DNAAF10: variants seen among roughly 807,000 people sequenced by gnomAD.
DNAAF10 encodes the protein dynein axonemal assembly factor 10, also known as WD repeat domain 92.
Under a neutral mutation model 43.7 loss-of-function variants are expected in DNAAF10, and 28 were observed. That is an observed-to-expected ratio of 0.64 (90% CI 0.48 to 0.88). The LOEUF (loss-of-function observed/expected upper bound fraction) is 0.88. Among genes scored for constraint, DNAAF10 ranks in the 40% least tolerant of loss-of-function variants. The pLI is 0.00. For missense variants in DNAAF10, 403 were observed against 439.1 expected (o/e 0.92, Z 0.73); for synonymous variants, 156 against 157.3 (o/e 0.99, Z 0.06).
intron 2 of DNAAF10, among the ~76,000 whole-genome samples, chr2:68,146,362 C>T (rs1333422370): frequency 6.6e-6 from 1 of 152,124 alleles, no homozygotes; most frequent in East Asian, 1.9e-4. Flanking sequence ...TGTGGTTCTA[C>T]TTGAAATGAC....
At chr2:68,132,968 T>C (rs1181412506) in intron 7 of DNAAF10, among the ~76,000 whole-genome samples, 1 of 151,546 alleles carries the variant, frequency 6.6e-6, no homozygotes, top group Non-Finnish European at 1.5e-5. Flanking sequence ...CAAAGAAAAC[T>C]GGGACTAGTT....
intron 1 of DNAAF10, among the ~76,000 whole-genome samples, chr2:68,156,061 C>T (rs1673596449): frequency 7.1e-6 from 1 of 141,636 alleles, no homozygotes; most frequent in African/African-American, 2.6e-5. Flanking sequence ...GTGTTTGCAC[C>T]ACAGCACTCC....
At position 68,135,005 on chromosome 2, in the gene DNAAF10, C is replaced by T. The variant is rs192645466; in HGVS notation, c.769-206G>A. Among the ~76,000 whole-genome samples, 4 of 152,134 alleles carry T rather than the reference C, an allele frequency of 2.6e-5. No homozygotes were observed. In the East Asian group the frequency reaches 7.7e-4, roughly 29 times the overall value. On this transcript the variant is annotated intron_variant, in intron 6 of 7. Coordinates refer to ENST00000295121, the MANE Select transcript of DNAAF10 (RefSeq NM_138458.4). ...GAAAAAGCATCATTTTTCTTTATTGCTTTATGAAACAAAGTTCTACTGGAT... is the reference window on the plus strand; with the variant it reads ...GAAAAAGCATCATTTTTCTTTATTGTTTTATGAAACAAAGTTCTACTGGAT...
At chr2:68,140,689 C>T (rs911296234) in intron 4 of DNAAF10, among the ~76,000 whole-genome samples, 3 of 152,170 alleles carry the variant, frequency 2.0e-5, no homozygotes, top group African/African-American at 7.2e-5. Context: ...AAACTTAGAA[C>T]TATCTTCAGG....
At chr2:68,141,558 A>T in intron 4 of DNAAF10, 136 bp downstream of exon 4, 1 of 735,400 alleles carries the variant, frequency 1.4e-6, no homozygotes, top group Non-Finnish European at 2.1e-6. Flanking sequence ...GACATTAACC[A>T]CCACGTGTAT....
Position 68,134,731 on chromosome 2 carries a change from T to C in DNAAF10, c.837A>G (p.Gly279=). 1.9e-6 allele frequency: 3 copies of C among 1,608,760 alleles called. No individual in the cohort carries two copies. Among genetic ancestry groups the C allele is most frequent in the Non-Finnish European group, 2.5e-6 (3 of 1,178,754 alleles). Residue 279 remains glycine (G), a synonymous_variant, in exon 7 of 8, where the codon GGA becomes GGG. Coordinates refer to ENST00000295121, the MANE Select transcript of DNAAF10 (RefSeq NM_138458.4). ...PQNRELFLTA[G]GAGGLHLWKY... is the part of the protein sequence containing the mutation. ...TCCAGAGGTGAAGGCCGCCGGCGCCTCCAGCTGTCAGAAAGAGCTCCCTGT... is the reference window on the plus strand; with the variant it reads ...TCCAGAGGTGAAGGCCGCCGGCGCCCCCAGCTGTCAGAAAGAGCTCCCTGT...
Position 68,131,390 on chromosome 2 carries a change from C to A in DNAAF10, c.922G>T (p.Ala308Ser), listed in dbSNP as rs772871130. 2.5e-6 allele frequency: 4 copies of A among 1,614,170 alleles called. No individual in the cohort carries two copies. Among genetic ancestry groups the A allele is most frequent in the East Asian group, 4.5e-5 (2 of 44,886 alleles). Residue 308 changes from alanine (A) to serine (S), a missense_variant, in exon 8 of 8, where the codon GCA (alanine) becomes TCA (serine). Transcript: ENST00000295121. Reference sequence around the variant, plus strand: ...TTCTGCAGAAGGCTTACAGAACCTGCGACTCCCATTTCTATTCCCTCAGAA... The same window carrying A: ...TTCTGCAGAAGGCTTACAGAACCTGAGACTCCCATTTCTATTCCCTCAGAA... ...KDSEGIEMGVAGSVSLLQNVT... is the reference protein window; with the variant it reads ...KDSEGIEMGVSGSVSLLQNVT...
At chr2:68,150,254 T>C (rs1372178860) in intron 1 of DNAAF10, among the ~76,000 whole-genome samples, 2 of 152,234 alleles carry the variant, frequency 1.3e-5, no homozygotes, top group Non-Finnish European at 2.9e-5. Flanking sequence ...TTAGACCCTT[T>C]AGACTAGAGA....
intron 3 of DNAAF10, among the ~76,000 whole-genome samples, chr2:68,143,448 G>T (rs987469839): frequency 6.6e-6 from 1 of 152,108 alleles, no homozygotes; most frequent in Non-Finnish European, 1.5e-5. Context: ...CCCCAAAGTT[G>T]TGGGATTATA....
At chr2:68,140,797 C>T (rs1203735553) in intron 4 of DNAAF10, among the ~76,000 whole-genome samples, 6 of 152,292 alleles carry the variant, frequency 3.9e-5, no homozygotes, top group Non-Finnish European at 8.8e-5. Flanking sequence ...ATGGGTTCTG[C>T]ATCTATAGGC....
rs530803551 is a variant in DNAAF10 at position 68,156,521 on chromosome 2, C to G, written c.183+740G>C. Among the ~76,000 whole-genome samples the G allele has an allele frequency of 6.6e-5, 10 of 152,310 alleles. No homozygotes were observed. The South Asian group carries it at 2.1e-3, about 32-fold the overall frequency. On this transcript the variant is annotated intron_variant, in intron 1 of 7. Transcript: ENST00000295121. ...ACTAGTAATCTTCAAAAAAACCTTG[C>G]AAACCTAATCTTTCCACACCCTGCT...
At chr2:68,150,981 A>G (rs1673444754) in intron 1 of DNAAF10, among the ~76,000 whole-genome samples, 2 of 152,250 alleles carry the variant, frequency 1.3e-5, no homozygotes, top group Admixed American at 1.3e-4. Flanking sequence ...CACATGTCTG[A>G]GAATTGCTAC....
intron 5 of DNAAF10, among the ~76,000 whole-genome samples, chr2:68,137,845 C>T (rs1204127635): frequency 4.8e-5 from 7 of 146,280 alleles, no homozygotes; most frequent in Non-Finnish European, 6.0e-5. Context: ...CCATCCTGGG[C>T]GACAGAGTGA....
At chr2:68,138,522 C>G (rs1374463758) in intron 5 of DNAAF10, among the ~76,000 whole-genome samples, 1 of 152,160 alleles carries the variant, frequency 6.6e-6, no homozygotes, top group Non-Finnish European at 1.5e-5. Flanking sequence ...GGTGACTCCC[C>G]CAACGCTGTG....
intron 1 of DNAAF10, among the ~76,000 whole-genome samples, chr2:68,155,634 G>A (rs961864711): frequency 3.3e-5 from 5 of 151,890 alleles, no homozygotes; most frequent in African/African-American, 4.8e-5. Context: ...TCCAGGCTGC[G>A]ATGAGCTATG....
At chr2:68,156,082 A>G (rs1673597599) in intron 1 of DNAAF10, among the ~76,000 whole-genome samples, 2 of 131,554 alleles carry the variant, frequency 1.5e-5, no homozygotes, top group South Asian at 5.8e-4. Context: ...GGGCTGGGTG[A>G]CAGATTGAGA....
chr2:68,134,087 C>A, intron 7 of DNAAF10: 4 of 972,580 alleles, frequency 4.1e-6, no homozygotes, highest in Non-Finnish European at 4.9e-6. Context: ...CATTAACTCA[C>A]AATTTTTATC....
At chr2:68,150,711 C>T (rs899233369) in intron 1 of DNAAF10, among the ~76,000 whole-genome samples, 1 of 151,160 alleles carries the variant, frequency 6.6e-6, no homozygotes, top group Admixed American at 6.6e-5. Flanking sequence ...CCAGCCTGGG[C>T]GACAGAGAGA....
chr2:68,144,521 G>A (rs960822791), intron 3 of DNAAF10, 64 bp downstream of exon 3: 189 of 1,584,884 alleles, frequency 1.2e-4, no homozygotes, highest in Non-Finnish European at 1.5e-4. Context: ...CAGAGAGGAT[G>A]TACTGCTGCA....
Sources: gnomAD v4.1 joint callset for allele counts (sites outside exome capture counted in the v4.1 genomes callset) on GRCh38, gnomAD v4.1.1 for gene constraint, MANE v1.5 for transcripts, NCBI Gene and HGNC (gene_info 2026-07-23, HGNC 2026-07-21) for gene names.